The following SMYD3 variants were observed in gnomAD, a reference collection of about 807,000 sequenced individuals.
The protein encoded by SMYD3 is SET and MYND domain containing 3, also known as histone-lysine N-methyltransferase SMYD3.
A neutral mutation model predicts 57.7 loss-of-function variants in SMYD3; 36 were observed. The ratio of observed to expected loss-of-function variants is 0.62; its 90% CI spans 0.48 to 0.82. The LOEUF (loss-of-function observed/expected upper bound fraction) is 0.82, where lower values mean the gene tolerates loss of function less well. SMYD3 is among the 40% of genes least tolerant of loss of function. SMYD3 has a pLI of 0.00. For synonymous variants in SMYD3, 211 were observed against 195.0 expected (o/e 1.08, Z -0.68); for missense variants, 515 against 538.8 (o/e 0.96, Z 0.44).
rs370608861 is a variant in SMYD3, at chr1:246,174,875, G to A, written c.531+152326C>T. Among the ~76,000 whole-genome samples the A allele has an allele frequency of 1.2e-3, 181 of 152,120 alleles. 1 individual carries two copies. The South Asian group carries it at 0.033, about 28-fold the overall frequency. The stretch of plus-strand genomic sequence containing the variant: ...TAAGCACCTGATAAACTGAAATAAC[G>A]TTTGCTCTGATCACCAGTCGATGAA... On this transcript the variant is annotated intron_variant, in intron 5 of 11. Transcript: ENST00000490107.
intron 5 of SMYD3, among the ~76,000 whole-genome samples, chr1:246,209,270 T>C (rs1283701301): frequency 6.6e-6 from 1 of 152,016 alleles, no homozygotes; most frequent in Non-Finnish European, 1.5e-5. Context: ...TCTGAACAAT[T>C]TGAAATGTAA....
intron 5 of SMYD3, among the ~76,000 whole-genome samples, chr1:246,300,468 G>A (rs2064874817): frequency 1.3e-5 from 2 of 152,186 alleles, no homozygotes; most frequent in South Asian, 4.1e-4. Context: ...GTGTACGGGT[G>A]AGGAAAGCGG....
intron 5 of SMYD3, among the ~76,000 whole-genome samples, chr1:246,151,374 T>G (rs548617486): frequency 2.7e-4 from 41 of 152,298 alleles, no homozygotes; most frequent in African/African-American, 8.4e-4. Flanking sequence ...ACTCCCTTTT[T>G]TTTTGATATG....
At chr1:246,114,364 C>G (rs2061307110) in intron 5 of SMYD3, among the ~76,000 whole-genome samples, 2 of 152,166 alleles carry the variant, frequency 1.3e-5, no homozygotes, top group Non-Finnish European at 2.9e-5. Flanking sequence ...GGAGTCCTGA[C>G]AAGGTAAGTT....
chr1:246,175,166 A>T lies in SMYD3; in HGVS notation c.531+152035T>A, dbSNP rs922659035. Among the ~76,000 whole-genome samples the T allele has an allele frequency of 4.1e-4, 63 of 152,198 alleles. 1 individual carries two copies. Among genetic ancestry groups the T allele is most frequent in the African/African-American group, 1.4e-3 (58 of 41,454 alleles). ...GAAAACGCACTGGTGATACAGACAA[A>T]CATTCATTTATTTACAAAATCGTAT... is the stretch of plus-strand genomic sequence containing the variant. On this transcript the variant is annotated intron_variant, in intron 5 of 11. Coordinates refer to ENST00000490107, the MANE Select transcript of SMYD3 (RefSeq NM_001167740.2).
At chr1:246,349,065 A>G (rs1279670061) in intron 2 of SMYD3, among the ~76,000 whole-genome samples, 1 of 152,222 alleles carries the variant, frequency 6.6e-6, no homozygotes, top group African/African-American at 2.4e-5. Flanking sequence ...TATTGCCAGT[A>G]GACCCACCCG....
intron 5 of SMYD3, among the ~76,000 whole-genome samples, chr1:246,053,951 C>T (rs141070583): frequency 4.5e-4 from 68 of 152,156 alleles, no homozygotes; most frequent in East Asian, 9.6e-4. Flanking sequence ...TTAAAAACTT[C>T]GGCTCTTCAA....
intron 5 of SMYD3, among the ~76,000 whole-genome samples, chr1:246,045,551 C>A (rs184141080): frequency 3.2e-4 from 49 of 152,078 alleles, no homozygotes; most frequent in African/African-American, 1.1e-3. Flanking sequence ...CCAGGCAATA[C>A]CATTCAGGAC....
At chr1:246,164,942 C>A (rs577739058) in intron 5 of SMYD3, among the ~76,000 whole-genome samples, 1 of 152,184 alleles carries the variant, frequency 6.6e-6, no homozygotes, top group South Asian at 2.1e-4. Context: ...CACACAGAGA[C>A]GGTGAATGAA....
At position 246,444,197 on chromosome 1, in the gene SMYD3, G is replaced by A. The variant is rs182619927; in HGVS notation, c.164+62857C>T. ...GCTAGAGTGCAGGTGCTTGATCTCCGCTCACTGAAACCTCCGCCTCCCAGG... is the reference window on the plus strand; with the variant it reads ...GCTAGAGTGCAGGTGCTTGATCTCCACTCACTGAAACCTCCGCCTCCCAGG... On this transcript the variant is annotated intron_variant, in intron 1 of 11. Transcript: ENST00000490107. Among the ~76,000 whole-genome samples the A allele has an allele frequency of 2.5e-3, 376 of 147,630 alleles. 3 individuals are homozygous for A. The highest frequency in any genetic ancestry group is 0.014 in the Middle Eastern group (4 of 276).
intron 1 of SMYD3, among the ~76,000 whole-genome samples, chr1:246,357,568 T>G (rs2065927465): frequency 6.6e-6 from 1 of 152,172 alleles, no homozygotes; most frequent in African/African-American, 2.4e-5. Context: ...TTCACTTTAC[T>G]CTATGGACTC....
chr1:245,830,774 C>T (rs2049790062), intron 10 of SMYD3, among the ~76,000 whole-genome samples: 1 of 152,198 alleles, frequency 6.6e-6, no homozygotes. Context: ...TATGAAGATT[C>T]ACTAAAATCT....
intron 8 of SMYD3, among the ~76,000 whole-genome samples, chr1:245,883,858 T>C (rs4654155): frequency 0.59 from 90,356 of 152,186 alleles, 30,280 homozygotes; most frequent in Non-Finnish European, 0.77. Flanking sequence ...CTGGTTGTCG[T>C]GGGAAGCAAC....
At chr1:245,761,232 A>G (rs1170298053) in intron 11 of SMYD3, among the ~76,000 whole-genome samples, 1 of 152,180 alleles carries the variant, frequency 6.6e-6, no homozygotes, top group Non-Finnish European at 1.5e-5. Flanking sequence ...GGCATCTATC[A>G]GGGTGTATGC....
chr1:246,326,486 T>G, intron 5 of SMYD3: 1 of 592,632 alleles, frequency 1.7e-6, no homozygotes, highest in Non-Finnish European at 3.0e-6. Flanking sequence ...AAAAAATACT[T>G]CAGGAGGCCG....
chr1:245,757,185 T>C (rs1052584293), intron 11 of SMYD3, among the ~76,000 whole-genome samples: 6 of 152,164 alleles, frequency 3.9e-5, no homozygotes, highest in African/African-American at 9.6e-5. Context: ...TCTACTTCTG[T>C]CTCTAGGTAT....
intron 8 of SMYD3, among the ~76,000 whole-genome samples, chr1:245,883,432 A>T (rs531602040): frequency 5.9e-5 from 9 of 152,288 alleles, no homozygotes; most frequent in Non-Finnish European, 1.3e-4. Context: ...TTTTCCACTT[A>T]TTTTGGGTTA....
intron 1 of SMYD3, among the ~76,000 whole-genome samples, chr1:246,403,252 G>C (rs1350124067): frequency 6.6e-6 from 1 of 152,094 alleles, no homozygotes; most frequent in African/African-American, 2.4e-5. Context: ...CCAGAAATTT[G>C]GGAGGCCTTG....
At chr1:246,350,650 T>A (rs2065807588) in intron 2 of SMYD3, among the ~76,000 whole-genome samples, 1 of 93,028 alleles carries the variant, frequency 1.1e-5, no homozygotes, top group Non-Finnish European at 2.1e-5. Flanking sequence ...TGGGGGAAGA[T>A]AATGTACTCA....
Sources: gnomAD v4.1 joint callset for allele counts (sites outside exome capture counted in the v4.1 genomes callset) on GRCh38, gnomAD v4.1.1 for gene constraint, MANE v1.5 for transcripts, NCBI Gene and HGNC (gene_info 2026-07-23, HGNC 2026-07-21) for gene names.